The following MYZAP variants were observed in gnomAD, a reference collection of about 807,000 sequenced individuals.
MYZAP encodes GRINL1A complex locus upstream.
Under a neutral mutation model 69.4 loss-of-function variants are expected in MYZAP, and 66 were observed. The observed-to-expected ratio is 0.95, with a 90% CI of 0.78 to 1.17. The LOEUF (loss-of-function observed/expected upper bound fraction) is 1.17, where lower values mean the gene tolerates loss of function less well. MYZAP is among the 50% of genes most tolerant of loss of function. The pLI, the probability that MYZAP is intolerant of heterozygous loss-of-function variation, is 0.00. For missense variants in MYZAP, 611 were observed against 556.2 expected (o/e 1.10, Z -0.99); for synonymous variants, 256 against 205.9 (o/e 1.24, Z -2.09).
At position 57,641,003 on chromosome 15, in the gene MYZAP, G is replaced by A. The variant is rs78357200; in HGVS notation, c.1119+1458G>A. Among the ~76,000 whole-genome samples the A allele has an allele frequency of 5.8e-3, 888 of 152,284 alleles. 5 individuals are homozygous for A. The highest frequency in any genetic ancestry group is 0.018 in the South Asian group (85 of 4,822). On this transcript the variant is annotated intron_variant, in intron 10 of 12. Transcript: ENST00000267853. The stretch of plus-strand genomic sequence containing the variant: ...GTTAGCATCTCAGTGAGCCTTGGCC[G>A]TCGGGGCATAGTTTTTCTGCTTTTG...
intron 2 of MYZAP, among the ~76,000 whole-genome samples, chr15:57,608,683 T>C (rs2034914895): frequency 1.3e-5 from 2 of 152,230 alleles, no homozygotes; most frequent in South Asian, 4.1e-4. Context: ...GTTTATAATA[T>C]GGATTAAAGA....
chr15:57,603,347 T>C (rs971317204), intron 1 of MYZAP, among the ~76,000 whole-genome samples: 1 of 152,074 alleles, frequency 6.6e-6, no homozygotes, highest in Non-Finnish European at 1.5e-5. Context: ...ACTTGTGAGA[T>C]TTACCATTTT....
intron 10 of MYZAP, among the ~76,000 whole-genome samples, chr15:57,644,982 T>A (rs1209722146): frequency 6.6e-6 from 1 of 152,230 alleles, no homozygotes; most frequent in Non-Finnish European, 1.5e-5. Context: ...TTCTCATGGA[T>A]CCTCTTCCAA....
At chr15:57,672,600 A>T (rs562316328) in intron 11 of MYZAP, among the ~76,000 whole-genome samples, 1 of 152,096 alleles carries the variant, frequency 6.6e-6, no homozygotes, top group Non-Finnish European at 1.5e-5. Context: ...TTTTCCTCCA[A>T]TCCAGCTTTC....
At chr15:57,600,688 T>G (rs1595850216) in intron 1 of MYZAP, among the ~76,000 whole-genome samples, 2 of 152,356 alleles carry the variant, frequency 1.3e-5, no homozygotes, top group South Asian at 4.1e-4. Flanking sequence ...TGTCTCTGAT[T>G]CATTGACCAA....
At chr15:57,679,308 G>C (rs1595946575) in intron 12 of MYZAP, among the ~76,000 whole-genome samples, 1 of 147,772 alleles carries the variant, frequency 6.8e-6, no homozygotes, top group Admixed American at 6.8e-5. Context: ...AAAGGCCTTG[G>C]ATGAAGTCAT....
intron 2 of MYZAP, among the ~76,000 whole-genome samples, chr15:57,609,376 CA>C (rs750139908): frequency 6.6e-6 from 1 of 152,156 alleles, no homozygotes; most frequent in Non-Finnish European, 1.5e-5. Flanking sequence ...CTGAAGGCTC[CA>C]GGGGGAGAAT....
At chr15:57,615,179 A>C (rs1336721722) in intron 2 of MYZAP, among the ~76,000 whole-genome samples, 2 of 152,230 alleles carry the variant, frequency 1.3e-5, no homozygotes, top group Non-Finnish European at 2.9e-5. Context: ...AAAAACATTC[A>C]AAGTCTACAA....
At chr15:57,652,719 G>A (rs1312711223) in intron 10 of MYZAP, among the ~76,000 whole-genome samples, 1 of 152,142 alleles carries the variant, frequency 6.6e-6, no homozygotes, top group African/African-American at 2.4e-5. Context: ...AGAGGGAGAC[G>A]ACGGCTGAAG....
rs145156957 is a variant in MYZAP at position 57,678,749 on chromosome 15, A to T, written c.1304+3681A>T. Among the ~76,000 whole-genome samples the T allele has an allele frequency of 1.4e-4, 21 of 152,228 alleles. No homozygotes were observed. The East Asian group carries it at 2.9e-3, about 21-fold the overall frequency. The stretch of plus-strand genomic sequence containing the variant: ...CCCCTGCGTGCTGTAGGCATGGGGC[A>T]CTTGTCTTATTGTAGAATAGCATGG... On this transcript the variant is annotated intron_variant, in intron 12 of 12. Coordinates refer to ENST00000267853, the MANE Select transcript of MYZAP (RefSeq NM_001018100.5).
intron 2 of MYZAP, among the ~76,000 whole-genome samples, chr15:57,606,301 A>G (rs950764578): frequency 2.0e-5 from 3 of 152,320 alleles, no homozygotes; most frequent in Middle Eastern, 6.8e-3. Flanking sequence ...TGCACATCAC[A>G]TATGTAATAT....
At chr15:57,651,677 AAGTCTTGGC>A (rs1334854648) in intron 10 of MYZAP, among the ~76,000 whole-genome samples, 77 of 152,212 alleles carry the variant, frequency 5.1e-4, no homozygotes, top group African/African-American at 1.8e-3. Flanking sequence ...TGAATGATGA[AAGTCTTGGC>A]ACCTCAGTTT....
intron 1 of MYZAP, among the ~76,000 whole-genome samples, chr15:57,598,969 A>C (rs2034238403): frequency 6.6e-6 from 1 of 151,746 alleles, no homozygotes; most frequent in Admixed American, 6.6e-5. Context: ...ATATATTCCC[A>C]CCTCCCATTA....
At chr15:57,649,860 A>T (rs918127159) in intron 10 of MYZAP, among the ~76,000 whole-genome samples, 52 of 152,090 alleles carry the variant, frequency 3.4e-4, no homozygotes, top group Middle Eastern at 3.2e-3. Context: ...TCTCCATAGC[A>T]CTTATCATCC....
At chr15:57,633,476 A>T (rs1056875778) in intron 7 of MYZAP, 137 bp from the exon 8 acceptor site, 2 of 1,278,256 alleles carry the variant, frequency 1.6e-6, no homozygotes, top group South Asian at 2.4e-5. Flanking sequence ...TGAGTTCATG[A>T]TCTGTGAGAC....
At chr15:57,683,826 C>G (rs1287985201) in intron 12 of MYZAP, among the ~76,000 whole-genome samples, 1 of 150,876 alleles carries the variant, frequency 6.6e-6, no homozygotes, top group African/African-American at 2.4e-5. Context: ...TGGAATTTAG[C>G]TCTTGTTGCC....
chr15:57,626,873 G>A (rs1220854310), intron 5 of MYZAP, among the ~76,000 whole-genome samples: 3 of 152,220 alleles, frequency 2.0e-5, no homozygotes, highest in African/African-American at 7.2e-5. Flanking sequence ...GGTCATCTGC[G>A]ATGCCCATTT....
chr15:57,659,576 T>C (rs1458656101), intron 10 of MYZAP, among the ~76,000 whole-genome samples: 2 of 152,236 alleles, frequency 1.3e-5, no homozygotes, highest in Non-Finnish European at 2.9e-5. Flanking sequence ...TCAGTGTTAC[T>C]GCTAACAATC....
intron 1 of MYZAP, among the ~76,000 whole-genome samples, chr15:57,597,045 A>T (rs892642912): frequency 9.9e-5 from 15 of 152,220 alleles, no homozygotes; most frequent in African/African-American, 3.4e-4. Flanking sequence ...TTAACATTGA[A>T]TTGGCAAATG....
Sources: allele counts gnomAD v4.1 joint callset (sites outside exome capture counted in the v4.1 genomes callset), GRCh38; gene constraint gnomAD v4.1.1; transcripts MANE v1.5; gene names NCBI Gene and HGNC (gene_info 2026-07-23, HGNC 2026-07-21).